STAT6: variants seen among roughly 807,000 people sequenced by gnomAD.
STAT6 encodes the protein signal transducer and activator of transcription 6, also known as STAT, interleukin4-induced.
Under a neutral mutation model 106.3 loss-of-function variants are expected in STAT6, and 45 were observed. That is an observed-to-expected ratio of 0.42 (90% CI 0.33 to 0.54). The LOEUF (loss-of-function observed/expected upper bound fraction) is 0.54. Among genes scored for constraint, STAT6 ranks in the 20% least tolerant of loss-of-function variants. The pLI is 0.06. For missense variants in STAT6, 797 were observed against 1,062.2 expected, an observed-to-expected ratio of 0.75 and a Z score of 3.47; for synonymous variants, 413 against 413.6, an observed-to-expected ratio of 1.00 and a Z score of 0.02.
chr12:57,102,377 G>A lies in STAT6; in HGVS notation c.1425C>T (p.Leu475=). The A allele has an allele frequency of 6.2e-7, 1 of 1,614,182 alleles. No homozygotes were observed. The highest frequency in any genetic ancestry group is 8.5e-7 in the Non-Finnish European group (1 of 1,180,038). ...CATTGAAGATCTTCTGGGCCAGGAAGAGGAAGTGCTCTGGGAGCAGCCCCC... is the reference window on the plus strand; with the variant it reads ...CATTGAAGATCTTCTGGGCCAGGAAAAGGAAGTGCTCTGGGAGCAGCCCCC... ...TNRGLLPEHF[L]FLAQKIFNDN... is the part of the protein sequence containing the mutation. The change falls in exon 13 of 22, where the codon CTC becomes CTT. Residue 475 remains leucine (L), a synonymous_variant. Transcript: ENST00000300134.
intron 13 of STAT6, among the ~76,000 whole-genome samples, chr12:57,101,655 T>C (rs1182298053): frequency 4.7e-5 from 7 of 147,582 alleles, no homozygotes; most frequent in Non-Finnish European, 1.0e-4. Context: ...TGAACCACCA[T>C]GCCTGGCCTT....
intron 19 of STAT6, among the ~76,000 whole-genome samples, chr12:57,098,183 C>T (rs534822296): frequency 2.0e-5 from 3 of 152,170 alleles, no homozygotes; most frequent in African/African-American, 4.8e-5. Flanking sequence ...GCACTATGCT[C>T]AGCTTTTTAA....
chr12:57,106,869 C>G, intron 4 of STAT6, 38 bp from the exon 5 acceptor site: 2 of 1,610,068 alleles, frequency 1.2e-6, no homozygotes, highest in Non-Finnish European at 8.5e-7. Context: ...GTGAAACACT[C>G]TGCTCATCCC....
Position 57,105,371 on chromosome 12 carries a change from G to C in STAT6, c.813-32C>G, listed in dbSNP as rs3024955. The C allele has an allele frequency of 8.5e-3, 13,697 of 1,610,688 alleles. 943 individuals carry two copies. The African/African-American group carries it at 0.15, about 18-fold the overall frequency. On this transcript the variant is annotated intron_variant, in intron 8 of 21. Coordinates refer to ENST00000300134, the MANE Select transcript of STAT6 (RefSeq NM_003153.5). Reference sequence around the variant, plus strand: ...GTGAGGAGGACACAAGGGGAGTTGGGGGCTAGGTCCCTGCTGGTGCCCTCC... The same window carrying C: ...GTGAGGAGGACACAAGGGGAGTTGGCGGCTAGGTCCCTGCTGGTGCCCTCC...
chr12:57,099,731 G>A lies in STAT6; in HGVS notation c.1744+36C>T. On this transcript the variant is annotated intron_variant, in intron 15 of 21. Transcript: ENST00000300134. This position sits in a 1 kb window ranked among gnomAD's most constrained non-coding sequence, Gnocchi z 4.7. ...CCCAGAAGAAACCCCAGAGGGCACA[G>A]GCACAGAGACAGAGGACTGGCTGGG... 1 of 1,613,234 alleles carries A rather than the reference G, an allele frequency of 6.2e-7. No homozygotes were observed. Among genetic ancestry groups the A allele is most frequent in the Non-Finnish European group, 8.5e-7 (1 of 1,179,584 alleles).
intron 8 of STAT6, 28 bp from the exon 9 acceptor site, chr12:57,105,367 T>C (rs1204737400): frequency 1.7e-5 from 27 of 1,610,990 alleles, no homozygotes; most frequent in Non-Finnish European, 2.3e-5. Context: ...ACAAGGGGAG[T>C]TGGGGGCTAG....
chr12:57,105,750 G>T, intron 7 of STAT6, 151 bp from the exon 8 acceptor site: 1 of 1,297,832 alleles, frequency 7.7e-7, no homozygotes, highest in Non-Finnish European at 1.0e-6. Flanking sequence ...GGCTGAAGGG[G>T]GTTCTGTGAT....
At chr12:57,100,242 C>G in intron 13 of STAT6, 152 bp from the exon 14 acceptor site, 1 of 666,814 alleles carries the variant, frequency 1.5e-6, no homozygotes, top group South Asian at 1.8e-5. Context: ...ACGACCAATC[C>G]TAATGCTTAC....
chr12:57,104,710 C>T lies in STAT6; in HGVS notation c.1089+16G>A, dbSNP rs199729225. ...TCCTAGTGGTGCCCCCCTCACTGCA[C>T]CCCAAAGCCCCTCACCAGGTTCTTG... is the stretch of plus-strand genomic sequence containing the variant. On this transcript the variant is annotated intron_variant, in intron 10 of 21. Transcript: ENST00000300134. 2.7e-4 allele frequency: 434 copies of T among 1,613,956 alleles called. 1 individual carries two copies. Among genetic ancestry groups the T allele is most frequent in the Middle Eastern group, 3.3e-4 (2 of 6,080 alleles).
chr12:57,105,732 G>A (rs1178151805), intron 7 of STAT6, 133 bp from the exon 8 acceptor site: 5 of 1,385,998 alleles, frequency 3.6e-6, no homozygotes, highest in Non-Finnish European at 4.8e-6. Context: ...GTGGCTGCAA[G>A]GCACCTGGGC....
Position 57,099,090 on chromosome 12 carries a change from A to C in STAT6, c.1892-12T>G. On this transcript the variant is annotated splice_polypyrimidine_tract_variant and intron_variant, in intron 16 of 21. Coordinates refer to ENST00000300134, the MANE Select transcript of STAT6 (RefSeq NM_003153.5). The surrounding 1 kb of genome is among the most constrained non-coding windows in gnomAD (Gnocchi z 4.7). The stretch of plus-strand genomic sequence containing the variant: ...ACCCATCTGTTCAGCTGTTGTGAGA[A>C]GGAAAAGACAGCCATGGAGTGCTCT... 1 of 1,614,120 alleles carries C rather than the reference A, an allele frequency of 6.2e-7. No individual in the cohort carries two copies. The highest frequency in any genetic ancestry group is 8.5e-7 in the Non-Finnish European group (1 of 1,180,018).
chr12:57,106,954 T>C (rs572843143), intron 4 of STAT6, 123 bp from the exon 5 acceptor site: 27 of 1,465,910 alleles, frequency 1.8e-5, no homozygotes, highest in Non-Finnish European at 2.3e-5. Flanking sequence ...CAGTTCTTCC[T>C]GACCTTTTGG....
intron 9 of STAT6, 146 bp from the exon 10 acceptor site, chr12:57,104,959 G>T: frequency 8.2e-7 from 1 of 1,212,388 alleles, no homozygotes; most frequent in Non-Finnish European, 1.2e-6. Flanking sequence ...TCCCCATCTT[G>T]GCCAAATCAT....
chr12:57,102,599 C>G, intron 12 of STAT6, 103 bp from the exon 13 acceptor site: 2 of 1,211,380 alleles, frequency 1.7e-6, no homozygotes, highest in Non-Finnish European at 2.3e-6. Flanking sequence ...CCCTCCACAG[C>G]CCCTGATATC....
In STAT6 at chr12:57,105,427, G is replaced by A. The variant is rs199848396; in HGVS notation, c.812+41C>T. On this transcript the variant is annotated intron_variant, in intron 8 of 21. Coordinates refer to ENST00000300134, the MANE Select transcript of STAT6 (RefSeq NM_003153.5). Reference sequence around the variant, plus strand: ...GCTCTAGCCCCCTTCTTTTCTTCCCGAGGTCTGTTCTAGGCCAGACTGGGA... The same window carrying A: ...GCTCTAGCCCCCTTCTTTTCTTCCCAAGGTCTGTTCTAGGCCAGACTGGGA... 50 of 1,610,132 alleles carry A rather than the reference G, an allele frequency of 3.1e-5. No homozygotes were observed. In the Middle Eastern group the frequency reaches 1.5e-3, roughly 48 times the overall value.
At chr12:57,100,236 C>T (rs1256088476) in intron 13 of STAT6, 146 bp from the exon 14 acceptor site, 3 of 689,248 alleles carry the variant, frequency 4.4e-6, no homozygotes, top group African/African-American at 1.8e-5. Flanking sequence ...ATGACAACGA[C>T]CAATCCTAAT....
At position 57,105,607 on chromosome 12, in the gene STAT6, C is replaced by A. The variant is rs1177304221; in HGVS notation, c.681-8G>T. ...TCCACCAGGCTTTCACACCTGGGGC[C>A]AGGACAGTGGTCAGGGGGCACAGGA... On this transcript the variant is annotated splice_polypyrimidine_tract_variant and splice_region_variant and intron_variant, in intron 7 of 21. Coordinates refer to ENST00000300134, the MANE Select transcript of STAT6 (RefSeq NM_003153.5). The A allele has an allele frequency of 6.2e-7, 1 of 1,613,358 alleles. No individual in the cohort carries two copies. The highest frequency in any genetic ancestry group is 8.5e-7 in the Non-Finnish European group (1 of 1,179,808).
chr12:57,101,877 C>CTGG (rs1237911697), intron 13 of STAT6, among the ~76,000 whole-genome samples: 2 of 152,116 alleles, frequency 1.3e-5, no homozygotes, highest in Non-Finnish European at 2.9e-5. Context: ...GTTGGCCAGG[C>CTGG]TGGTCTCAAA....
chr12:57,103,713 T>G (rs527996052), intron 11 of STAT6: 1 of 152,356 alleles, frequency 6.6e-6, no homozygotes, highest in African/African-American at 2.4e-5. Flanking sequence ...ACTACAGGCC[T>G]GCACCACCAC....
Sources: allele counts gnomAD v4.1 joint callset (sites outside exome capture counted in the v4.1 genomes callset), GRCh38; gene constraint gnomAD v4.1.1; non-coding constraint Gnocchi (gnomAD v3.1); transcripts MANE v1.5; gene names NCBI Gene and HGNC (gene_info 2026-07-23, HGNC 2026-07-21).